Variants in TMCC1 observed in about 807,000 individuals in gnomAD.
TMCC1 encodes the protein transmembrane and coiled-coil domain family 1, also known as transmembrane and coiled-coil domains protein 1.
TMCC1 carries 15 observed loss-of-function variants against 52.4 expected under a neutral mutation model. That is an observed-to-expected ratio of 0.29 (90% CI 0.19 to 0.44). The LOEUF is 0.44. Ranked by LOEUF, TMCC1 falls within the 20% of genes least tolerant of loss-of-function variation. The pLI is 1.00. For synonymous variants in TMCC1, 279 were observed against 301.9 expected (o/e 0.92, Z 0.79); for missense variants, 503 against 806.0 (o/e 0.62, Z 4.55).
chr3:129,849,106 C>G (rs547210293), intron 2 of TMCC1, among the ~76,000 whole-genome samples: 1 of 152,206 alleles, frequency 6.6e-6, no homozygotes, highest in South Asian at 2.1e-4. Context: ...TGTACCACAT[C>G]ATGATCATAA....
At chr3:129,698,127 C>A (rs1370648432) in intron 4 of TMCC1, among the ~76,000 whole-genome samples, 1 of 152,120 alleles carries the variant, frequency 6.6e-6, no homozygotes, top group African/African-American at 2.4e-5. Flanking sequence ...AATTTTCATA[C>A]TGCTATGAAG....
intron 4 of TMCC1, among the ~76,000 whole-genome samples, chr3:129,808,937 A>C (rs907192146): frequency 2.6e-5 from 4 of 151,130 alleles, no homozygotes; most frequent in African/African-American, 9.7e-5. Context: ...AAAAAAAAAA[A>C]ACAAAGAAAC....
At chr3:129,663,735 T>C (rs1178149238) in intron 5 of TMCC1, among the ~76,000 whole-genome samples, 1 of 152,188 alleles carries the variant, frequency 6.6e-6, no homozygotes, top group Non-Finnish European at 1.5e-5. Context: ...TCTGGGCAAC[T>C]TGCAGACTTG....
At chr3:129,764,832 C>T (rs2053993567) in intron 4 of TMCC1, among the ~76,000 whole-genome samples, 1 of 120,936 alleles carries the variant, frequency 8.3e-6, no homozygotes, top group Non-Finnish European at 1.6e-5. Flanking sequence ...GATGGGGTCT[C>T]ACTCTGTCAC....
intron 2 of TMCC1, among the ~76,000 whole-genome samples, chr3:129,869,612 G>A (rs189575640): frequency 9.2e-5 from 14 of 152,284 alleles, no homozygotes; most frequent in Non-Finnish European, 4.4e-5. Context: ...AACACTCAGT[G>A]TCATAGAACT....
chr3:129,765,197 A>T (rs1414044099), intron 4 of TMCC1, among the ~76,000 whole-genome samples: 1 of 151,938 alleles, frequency 6.6e-6, no homozygotes, highest in Non-Finnish European at 1.5e-5. Context: ...TTTCAGAGAA[A>T]AATTATATAT....
At chr3:129,761,785 G>GT (rs1560357645) in intron 4 of TMCC1, among the ~76,000 whole-genome samples, 1 of 152,078 alleles carries the variant, frequency 6.6e-6, no homozygotes, top group Non-Finnish European at 1.5e-5. Context: ...GAGGTCAGGA[G>GT]TTTGAGAGCA....
rs1198313111 is a variant in TMCC1, at chr3:129,815,822, G to A, written c.576+11981C>T. On this transcript the variant is annotated intron_variant, in intron 4 of 6. Coordinates refer to ENST00000393238, the MANE Select transcript of TMCC1 (RefSeq NM_001017395.5). ...AAAGTGAAAAGACAATCCACAGAAT[G>A]GGAGAAAATATTTACAAACTATCCA... 1.8e-4 allele frequency among the ~76,000 whole-genome samples: 28 copies of A among 152,224 alleles called. 1 individual carries two copies.
chr3:129,840,326 C>CAA (rs368685429), intron 2 of TMCC1, among the ~76,000 whole-genome samples: 12,108 of 88,254 alleles, frequency 0.14, 2,352 homozygotes, highest in East Asian at 0.56. Flanking sequence ...GAACCTGTCT[C>CAA]AAAAAAAAAA....
At chr3:129,868,324 T>A (rs895937583) in intron 2 of TMCC1, among the ~76,000 whole-genome samples, 3 of 152,088 alleles carry the variant, frequency 2.0e-5, no homozygotes, top group African/African-American at 4.8e-5. Context: ...CAGAAAAAAA[T>A]TATCTGTTTT....
rs2058406495 is a variant in TMCC1 at position 129,821,267 on chromosome 3, C to T, written c.576+6536G>A. ...ACATGTGCAAAGAGCTTAGACTCAG[C>T]CATGAACTAGCTCTCTGGTCTTAGA... On this transcript the variant is annotated intron_variant, in intron 4 of 6. Coordinates refer to ENST00000393238, the MANE Select transcript of TMCC1 (RefSeq NM_001017395.5). Among the ~76,000 whole-genome samples, 4 of 152,146 alleles carry T rather than the reference C, an allele frequency of 2.6e-5. No homozygotes were observed. In the South Asian group the frequency reaches 8.3e-4, roughly 32 times the overall value.
intron 4 of TMCC1, among the ~76,000 whole-genome samples, chr3:129,756,994 T>A (rs2107667423): frequency 6.6e-6 from 1 of 152,334 alleles, no homozygotes; most frequent in South Asian, 2.1e-4. Context: ...GTTTCTGAAA[T>A]GCCTCTCACC....
chr3:129,845,446 T>G (rs1275729850), intron 2 of TMCC1, among the ~76,000 whole-genome samples: 2 of 152,146 alleles, frequency 1.3e-5, no homozygotes, highest in African/African-American at 2.4e-5. Flanking sequence ...CTCCCATGAG[T>G]ATACTTATCT....
At chr3:129,676,268 A>G (rs2088440273) in intron 4 of TMCC1, among the ~76,000 whole-genome samples, 2 of 152,086 alleles carry the variant, frequency 1.3e-5, no homozygotes, top group South Asian at 4.1e-4. Context: ...CTGATATTAG[A>G]ATTTGTAATT....
chr3:129,839,289 C>T (rs901444287), intron 2 of TMCC1, among the ~76,000 whole-genome samples: 4 of 152,100 alleles, frequency 2.6e-5, no homozygotes, highest in African/African-American at 9.7e-5. Flanking sequence ...GAACTGGGAA[C>T]ACACTATAAC....
intron 4 of TMCC1, among the ~76,000 whole-genome samples, chr3:129,713,698 G>A (rs1356524773): frequency 7.2e-6 from 1 of 138,832 alleles, no homozygotes; most frequent in Non-Finnish European, 1.5e-5. Flanking sequence ...ACAACACAGT[G>A]AGACCCCCAT....
chr3:129,762,713 T>C (rs1479351358), intron 4 of TMCC1, among the ~76,000 whole-genome samples: 1 of 151,904 alleles, frequency 6.6e-6, no homozygotes, highest in African/African-American at 2.4e-5. Context: ...GTCTGGGAGT[T>C]AGAGGTTGCT....
intron 6 of TMCC1, among the ~76,000 whole-genome samples, chr3:129,653,830 A>G (rs1276244204): frequency 6.6e-6 from 1 of 152,230 alleles, no homozygotes; most frequent in African/African-American, 2.4e-5. Context: ...GTATCGCTCA[A>G]TTACTAAAAA....
intron 4 of TMCC1, among the ~76,000 whole-genome samples, chr3:129,792,326 C>T (rs1262359974): frequency 6.6e-6 from 1 of 151,832 alleles, no homozygotes; most frequent in Non-Finnish European, 1.5e-5. Context: ...GCTGAAAAGA[C>T]AAATAGAGGC....
Sources: allele counts gnomAD v4.1 joint callset (sites outside exome capture counted in the v4.1 genomes callset), GRCh38; gene constraint gnomAD v4.1.1; transcripts MANE v1.5; gene names NCBI Gene and HGNC (gene_info 2026-07-23, HGNC 2026-07-21).